Variants in GRIN2D observed in about 807,000 individuals in gnomAD.
GRIN2D encodes the protein glutamate ionotropic receptor NMDA type subunit 2D.
GRIN2D carries 37 observed loss-of-function variants against 103.2 expected under a neutral mutation model. That is an observed-to-expected ratio of 0.36 (90% CI 0.28 to 0.47). GRIN2D has a LOEUF of 0.47. Ranked by LOEUF, GRIN2D falls within the 20% of genes least tolerant of loss-of-function variation. The pLI, the probability that GRIN2D is intolerant of heterozygous loss-of-function variation, is 1.00. For missense variants in GRIN2D, 1,557 were observed against 1,910.6 expected, an observed-to-expected ratio of 0.81 and a Z score of 3.45; for synonymous variants, 845 against 885.6, an observed-to-expected ratio of 0.95 and a Z score of 0.81.
intron 4 of GRIN2D, among the ~76,000 whole-genome samples, chr19:48,409,512 G>T (rs1250089267): frequency 2.6e-5 from 4 of 151,686 alleles, no homozygotes; most frequent in African/African-American, 4.8e-5. Flanking sequence ...CCTGACCTCA[G>T]GTGATCCACC....
rs1017585872 is a variant in GRIN2D, at chr19:48,442,475, G to A, written c.2673+93G>A. 5 of 1,530,742 alleles carry A rather than the reference G, an allele frequency of 3.3e-6. No individual in the cohort carries two copies. Among genetic ancestry groups the A allele is most frequent in the Non-Finnish European group, 4.4e-6 (5 of 1,135,706 alleles). The allele number at this position is 1,530,742 out of a possible 1,614,324, so 94.8% of individuals were successfully genotyped here. On this transcript the variant is annotated intron_variant, in intron 13 of 13. Coordinates refer to ENST00000263269, the MANE Select transcript of GRIN2D (RefSeq NM_000836.4). The surrounding 1 kb of genome is among the most constrained non-coding windows in gnomAD (Gnocchi z 7.2). ...GAGACAAGGAGATGTGGGTCGAGAT[G>A]TGGATAGTGGGGAAGAGAGCGGGAA...
In GRIN2D at chr19:48,443,046, C is replaced by T. The variant is rs1274648319; in HGVS notation, c.3120C>T (p.Ala1040=). 1.9e-6 allele frequency: 2 copies of T among 1,042,818 alleles called. No homozygotes were observed. The highest frequency in any genetic ancestry group is 4.2e-5 in the South Asian group (1 of 23,724). 64.6% of individuals were successfully genotyped at this position (1,042,818 alleles called of 1,614,324 possible). A position where few individuals can be genotyped will look rare whatever the true frequency, so the allele number is the denominator to read the frequency against. Residue 1040 remains alanine, a synonymous_variant, in exon 14 of 14, where the codon GCC becomes GCT. Transcript: ENST00000263269. This position sits in a 1 kb window ranked among gnomAD's most constrained non-coding sequence, Gnocchi z 8.9. ...PPAPPAAAAT[A]VGPPLCRLAF... ...CGCCCCCCGCCGCCGCGGCCACCGC[C>T]GTCGGGCCGCCACTCTGCCGCTTGG... is the stretch of plus-strand genomic sequence containing the variant.
intron 11 of GRIN2D, among the ~76,000 whole-genome samples, chr19:48,431,907 TC>T (rs1971161878): frequency 6.9e-6 from 1 of 145,218 alleles, no homozygotes; most frequent in Admixed American, 6.8e-5. Flanking sequence ...TTTTCTTTTA[TC>T]TTTTCTTTAT....
intron 11 of GRIN2D, among the ~76,000 whole-genome samples, chr19:48,432,664 G>A (rs993431140): frequency 1.4e-5 from 2 of 147,248 alleles, no homozygotes; most frequent in African/African-American, 2.5e-5. Flanking sequence ...TCACTATGTT[G>A]CCCAGGCTGC....
At chr19:48,407,321 T>A (rs1970805130) in intron 4 of GRIN2D, among the ~76,000 whole-genome samples, 1 of 151,980 alleles carries the variant, frequency 6.6e-6, no homozygotes, top group Non-Finnish European at 1.5e-5. Context: ...CCTCTGTCCA[T>A]CTCCTTCCTC....
In GRIN2D at chr19:48,443,480, G is replaced by A. The variant is rs1193149304; in HGVS notation, c.3554G>A (p.Ser1185Asn). Residue 1185 changes from serine (S) to asparagine (N), a missense_variant, in exon 14 of 14, where the codon AGC becomes AAC. Transcript: ENST00000263269. The surrounding 1 kb of genome is among the most constrained non-coding windows in gnomAD (Gnocchi z 8.9). ...PAAWHCRHCA[S>N]LELLPPPRHL... Reference sequence around the variant, plus strand: ...GCCTGGCACTGTCGGCACTGCGCCAGCCTGGAGCTGCTGCCGCCGCCGCGC... The same window carrying A: ...GCCTGGCACTGTCGGCACTGCGCCAACCTGGAGCTGCTGCCGCCGCCGCGC... 1.5e-6 allele frequency: 2 copies of A among 1,368,466 alleles called. No individual in the cohort carries two copies. Among genetic ancestry groups the A allele is most frequent in the Non-Finnish European group, 1.9e-6 (2 of 1,062,186 alleles). 84.8% of individuals were successfully genotyped at this position (1,368,466 alleles called of 1,614,324 possible). A position where few individuals can be genotyped will look rare whatever the true frequency, so the allele number is the denominator to read the frequency against.
rs12461328 is a variant in GRIN2D, at chr19:48,400,982, G to A, written c.465+2125G>A. 4.7e-3 allele frequency among the ~76,000 whole-genome samples: 717 copies of A among 151,702 alleles called. 20 individuals carry two copies. Among genetic ancestry groups the A allele is most frequent in the Admixed American group, 0.034 (524 of 15,208 alleles). ...TCAGGAGGCTGAGGCAGGAGTAATC[G>A]CTTGAACCTGGGAGGCGGAGGTTGC... On this transcript the variant is annotated intron_variant, in intron 3 of 13. Coordinates refer to ENST00000263269, the MANE Select transcript of GRIN2D (RefSeq NM_000836.4).
intron 4 of GRIN2D, among the ~76,000 whole-genome samples, chr19:48,406,773 G>T (rs1970797027): frequency 6.6e-6 from 1 of 152,174 alleles, no homozygotes; most frequent in African/African-American, 2.4e-5. Flanking sequence ...CATGGCGGGG[G>T]CACGGGGAGG....
chr19:48,404,382 A>G (rs1450538753), intron 3 of GRIN2D, among the ~76,000 whole-genome samples: 3 of 152,004 alleles, frequency 2.0e-5, no homozygotes, highest in Non-Finnish European at 2.9e-5. Context: ...GTAAGGTTTT[A>G]TTAGGCTGGG....
At chr19:48,420,007 G>A (rs1600982394) in intron 10 of GRIN2D, among the ~76,000 whole-genome samples, 193 bp downstream of exon 10, 1 of 151,990 alleles carries the variant, frequency 6.6e-6, no homozygotes, top group African/African-American at 2.4e-5. Flanking sequence ...GAAAGAACAC[G>A]GTTCACGATG....
At chr19:48,396,410 G>A (rs1600965819) in intron 2 of GRIN2D, among the ~76,000 whole-genome samples, 1 of 152,202 alleles carries the variant, frequency 6.6e-6, no homozygotes, top group South Asian at 2.1e-4. Flanking sequence ...GGGACGCGGG[G>A]TCCCTAAGAG....
At position 48,441,929 on chromosome 19, in the gene GRIN2D, C is replaced by T; in HGVS notation, c.2413C>T (p.Leu805=). 1.9e-6 allele frequency: 3 copies of T among 1,609,352 alleles called. No individual in the cohort carries two copies. The highest frequency in any genetic ancestry group is 2.5e-6 in the Non-Finnish European group (3 of 1,178,716). The change falls in exon 12 of 14, where the codon CTG becomes TTG. Residue 805 remains leucine, a synonymous_variant. Coordinates refer to ENST00000263269, the MANE Select transcript of GRIN2D (RefSeq NM_000836.4). ...CTCCCGCTGGAAGCGGCCCATCGAC[C>T]TGGCGTTGCTGCAGTTCCTGGGGGA... The part of the protein sequence containing the change: ...KGSRWKRPID[L]ALLQFLGDDE...
At chr19:48,425,670 A>C (rs1971077677) in intron 11 of GRIN2D, among the ~76,000 whole-genome samples, 3 of 152,210 alleles carry the variant, frequency 2.0e-5, no homozygotes, top group African/African-American at 7.2e-5. Flanking sequence ...AGTTCAGAGA[A>C]AGCAGGATAC....
chr19:48,423,296 C>A (rs2065580477), intron 11 of GRIN2D, among the ~76,000 whole-genome samples: 1 of 152,144 alleles, frequency 6.6e-6, no homozygotes, highest in African/African-American at 2.4e-5. Flanking sequence ...GTAACTCTCT[C>A]CCCGTCCTGC....
At chr19:48,396,952 C>A (rs1970650908) in intron 2 of GRIN2D, among the ~76,000 whole-genome samples, 1 of 152,138 alleles carries the variant, frequency 6.6e-6, no homozygotes, top group Non-Finnish European at 1.5e-5. Flanking sequence ...TGCCCTCCTC[C>A]CTCAGTCCCA....
rs2147428529 is a variant in GRIN2D, at chr19:48,394,147, C to A, written c.-306+279C>A. 6.6e-6 allele frequency among the ~76,000 whole-genome samples: 1 copy of A among 152,188 alleles called. No individual in the cohort carries two copies. Among genetic ancestry groups the A allele is most frequent in the South Asian group, 2.1e-4 (1 of 4,818 alleles). ...TGTCTGTCCAAACAGCCCCTATCAG[C>A]AGTGGCAGCCTGGCCCCCATTAGAC... On this transcript the variant is annotated intron_variant, in intron 1 of 13. Coordinates refer to ENST00000263269, the MANE Select transcript of GRIN2D (RefSeq NM_000836.4). This position sits in a 1 kb window ranked among gnomAD's most constrained non-coding sequence, Gnocchi z 5.1.
intron 8 of GRIN2D, among the ~76,000 whole-genome samples, chr19:48,416,897 A>T (rs1383220389): frequency 6.6e-6 from 1 of 151,890 alleles, no homozygotes; most frequent in Non-Finnish European, 1.5e-5. Context: ...GGCATGCACC[A>T]CCACGCCTGG....
chr19:48,405,399 C>T lies in GRIN2D; in HGVS notation c.1085+46C>T, dbSNP rs769447959. 7 of 1,491,004 alleles carry T rather than the reference C, an allele frequency of 4.7e-6. No individual in the cohort carries two copies. Among genetic ancestry groups the T allele is most frequent in the Non-Finnish European group, 4.5e-6 (5 of 1,118,480 alleles). 92.4% of individuals were successfully genotyped at this position (1,491,004 alleles called of 1,614,324 possible). A position where few individuals can be genotyped will look rare whatever the true frequency, so the allele number is the denominator to read the frequency against. ...AGGGGTGTGGGAGGGCTCCCAGAGC[C>T]TAACTACCTCAGTATTCACTGAATG... On this transcript the variant is annotated intron_variant, in intron 4 of 13. Transcript: ENST00000263269. This position sits in a 1 kb window ranked among gnomAD's most constrained non-coding sequence, Gnocchi z 5.1.
In GRIN2D at chr19:48,398,461, C is replaced by T. The variant is rs1289811637; in HGVS notation, c.69C>T (p.Ala23=). The T allele has an allele frequency of 2.8e-6, 3 of 1,068,518 alleles. No homozygotes were observed. Among genetic ancestry groups the T allele is most frequent in the Non-Finnish European group, 3.4e-6 (3 of 884,438 alleles). The allele number at this position is 1,068,518 out of a possible 1,614,324, so 66.2% of individuals were successfully genotyped here. A position where few individuals can be genotyped will look rare whatever the true frequency, so the allele number is the denominator to read the frequency against. ...AGATGCTGCTGCTGCTGGCGCTGGC[C>T]TGCGCCAGCCCGTTCCCGGAGGAGG... ...PAKMLLLLAL[A]CASPFPEEAP... Residue 23 remains alanine (A), a synonymous_variant, in exon 3 of 14, where the codon GCC becomes GCT. Transcript: ENST00000263269.
Sources: allele counts gnomAD v4.1 joint callset (sites outside exome capture counted in the v4.1 genomes callset), GRCh38; gene constraint gnomAD v4.1.1; non-coding constraint Gnocchi (gnomAD v3.1); transcripts MANE v1.5; gene names NCBI Gene and HGNC (gene_info 2026-07-23, HGNC 2026-07-21).